The following PLCL2 variants were observed in gnomAD, a reference collection of about 807,000 sequenced individuals.
PLCL2 encodes phospholipase C like 2.
In PLCL2, 4 loss-of-function variants were observed where a neutral mutation model predicts 79.6. The ratio of observed to expected loss-of-function variants is 0.05; its 90% CI spans 0.02 to 0.11. The LOEUF (loss-of-function observed/expected upper bound fraction) is 0.11. PLCL2 is among the 10% of genes least tolerant of loss of function. The pLI, the probability that PLCL2 is intolerant of heterozygous loss-of-function variation, is 1.00. For synonymous variants in PLCL2, 484 were observed against 457.7 expected (o/e 1.06, Z -0.73); for missense variants, 895 against 1,291.0 (o/e 0.69, Z 4.70).
rs113567687 is a variant in PLCL2 at position 17,024,922 on chromosome 3, C to T, written c.3018+10011C>T. On this transcript the variant is annotated intron_variant, in intron 3 of 5. Transcript: ENST00000615277. ...GAAAAACAGATGTGTTCATCTTCAT[C>T]CATATGTTTATGGAGACTAGTGATA... Among the ~76,000 whole-genome samples, 3 of 152,270 alleles carry T rather than the reference C, an allele frequency of 2.0e-5. No individual in the cohort carries two copies. In the South Asian group the frequency reaches 6.2e-4, roughly 32 times the overall value.
chr3:16,980,994 A>G lies in PLCL2; in HGVS notation c.328-28680A>G, dbSNP rs369110325. ...ACCAAAAAAATACGAAAACCAGTCA[A>G]GCGTGGTGGCGCGCGCCTGCAATCG... On this transcript the variant is annotated intron_variant, in intron 1 of 5. Transcript: ENST00000615277. Among the ~76,000 whole-genome samples, 363 of 152,344 alleles carry G rather than the reference A, an allele frequency of 2.4e-3. 7 individuals carry two copies. In the East Asian group the frequency reaches 0.024, roughly 10 times the overall value.
intron 1 of PLCL2, among the ~76,000 whole-genome samples, chr3:16,953,721 G>T (rs141299915): frequency 1.3e-3 from 200 of 151,970 alleles, no homozygotes; most frequent in African/African-American, 4.5e-3. Flanking sequence ...AATTAGATGG[G>T]TTAAAATTAG....
chr3:16,957,914 G>A (rs185523953), intron 1 of PLCL2, among the ~76,000 whole-genome samples: 3,562 of 152,152 alleles, frequency 0.023, 73 homozygotes, highest in South Asian at 0.041. Flanking sequence ...TTTTGAGCCT[G>A]TGTGTGTCTC....
intron 1 of PLCL2, among the ~76,000 whole-genome samples, chr3:16,941,820 G>T (rs1256999333): frequency 6.6e-6 from 1 of 151,132 alleles, no homozygotes; most frequent in Non-Finnish European, 1.5e-5. Flanking sequence ...TTGTATGTTT[G>T]TCTGTACTTG....
chr3:17,032,352 CACTT>C (rs1402653122), intron 3 of PLCL2, among the ~76,000 whole-genome samples: 3 of 152,124 alleles, frequency 2.0e-5, no homozygotes, highest in Non-Finnish European at 2.9e-5. Flanking sequence ...ATGGCTCACT[CACTT>C]GTCTGCATAA....
intron 1 of PLCL2, among the ~76,000 whole-genome samples, chr3:16,912,517 G>A (rs1696905713): frequency 6.6e-6 from 1 of 152,144 alleles, no homozygotes; most frequent in Non-Finnish European, 1.5e-5. Flanking sequence ...ATTTGAGTTT[G>A]TTTCTGCCCT....
At chr3:17,037,081 A>G (rs1415852282) in intron 3 of PLCL2, among the ~76,000 whole-genome samples, 6 of 152,214 alleles carry the variant, frequency 3.9e-5, no homozygotes, top group Admixed American at 2.0e-4. Flanking sequence ...TTCTGACTAG[A>G]TGGGAAAAAA....
At chr3:16,975,660 G>A (rs1276737694) in intron 1 of PLCL2, among the ~76,000 whole-genome samples, 2 of 152,126 alleles carry the variant, frequency 1.3e-5, no homozygotes, top group Admixed American at 6.5e-5. Flanking sequence ...GTTGGGACGT[G>A]GGGCGGCAGG....
At chr3:17,085,745 G>T (rs565141616) in intron 5 of PLCL2, among the ~76,000 whole-genome samples, 26 of 149,694 alleles carry the variant, frequency 1.7e-4, no homozygotes, top group African/African-American at 5.6e-4. Context: ...CACCATGCCC[G>T]GCCCAATTTA....
chr3:16,972,799 A>C (rs1011408994), intron 1 of PLCL2, among the ~76,000 whole-genome samples: 2 of 152,152 alleles, frequency 1.3e-5, no homozygotes, highest in South Asian at 4.1e-4. Flanking sequence ...AAATTATAAT[A>C]GTAACTCCTG....
At position 17,009,328 on chromosome 3, in the gene PLCL2, C is replaced by T. The variant is rs1023073292; in HGVS notation, c.328-346C>T. On this transcript the variant is annotated intron_variant, in intron 1 of 5. Coordinates refer to ENST00000615277, the MANE Select transcript of PLCL2 (RefSeq NM_001144382.2). The surrounding 1 kb of genome is among the most constrained non-coding windows in gnomAD (Gnocchi z 4.0). ...GTAGAGATGGGATCTCACTGTATTACCCAGGTTGGTCTCAAACTCCTCACC... is the reference window on the plus strand; with the variant it reads ...GTAGAGATGGGATCTCACTGTATTATCCAGGTTGGTCTCAAACTCCTCACC... 6.6e-6 allele frequency among the ~76,000 whole-genome samples: 1 copy of T among 151,994 alleles called. No individual in the cohort carries two copies. Among genetic ancestry groups the T allele is most frequent in the African/African-American group, 2.4e-5 (1 of 41,364 alleles).
intron 5 of PLCL2, among the ~76,000 whole-genome samples, chr3:17,074,610 A>G (rs1242071383): frequency 6.6e-6 from 1 of 152,236 alleles, no homozygotes; most frequent in Non-Finnish European, 1.5e-5. Flanking sequence ...TTCTTTCAAT[A>G]GAAGGCTGTT....
intron 4 of PLCL2, among the ~76,000 whole-genome samples, chr3:17,063,723 C>T (rs1419799158): frequency 1.3e-5 from 2 of 152,178 alleles, no homozygotes; most frequent in Admixed American, 6.5e-5. Context: ...GTAACAGTCT[C>T]CACTTTTGCC....
chr3:16,896,517 G>C (rs1241062079), intron 1 of PLCL2, among the ~76,000 whole-genome samples: 1 of 152,194 alleles, frequency 6.6e-6, no homozygotes, highest in Admixed American at 6.5e-5. Flanking sequence ...AGGTGCACTC[G>C]AAAGTTTTAA....
At position 16,884,992 on chromosome 3, in the gene PLCL2, G is replaced by A; in HGVS notation, c.-48G>A. On this transcript the variant is annotated 5_prime_UTR_variant, in exon 1 of 6. Transcript: ENST00000615277. The surrounding 1 kb of genome is among the most constrained non-coding windows in gnomAD (Gnocchi z 9.3). The stretch of plus-strand genomic sequence containing the variant: ...GGCGGCCCGAGGCGGCGGCGGGGAC[G>A]CGGGGACGCGAGGACGCGGCTTTGT... 4.8e-6 allele frequency: 1 copy of A among 206,994 alleles called. No individual in the cohort carries two copies. The allele number at this position is 206,994 out of a possible 1,614,324, so 12.8% of individuals were successfully genotyped here.
intron 4 of PLCL2, among the ~76,000 whole-genome samples, chr3:17,053,687 C>T (rs542549174): frequency 9.2e-5 from 14 of 152,274 alleles, no homozygotes; most frequent in Middle Eastern, 3.4e-3. Context: ...TTCCAAGTTA[C>T]AATGGGGATA....
chr3:16,926,565 T>C (rs553418806), intron 1 of PLCL2, among the ~76,000 whole-genome samples: 33 of 152,186 alleles, frequency 2.2e-4, no homozygotes, highest in Non-Finnish European at 3.5e-4. Flanking sequence ...TGAAACTACT[T>C]AGAGACAAAG....
intron 1 of PLCL2, among the ~76,000 whole-genome samples, chr3:16,993,925 G>A (rs2064128161): frequency 6.6e-6 from 1 of 152,110 alleles, no homozygotes; most frequent in Admixed American, 6.5e-5. Flanking sequence ...TTTAAAACAT[G>A]AGCTAGGTTC....
chr3:16,994,654 A>G (rs1022825831), intron 1 of PLCL2, among the ~76,000 whole-genome samples: 1 of 152,234 alleles, frequency 6.6e-6, no homozygotes, highest in African/African-American at 2.4e-5. Context: ...TTTAAAATAT[A>G]TAGATTTCTA....
Sources: gnomAD v4.1 joint callset for allele counts (sites outside exome capture counted in the v4.1 genomes callset) on GRCh38, gnomAD v4.1.1 for gene constraint, Gnocchi (gnomAD v3.1) non-coding constraint, MANE v1.5 for transcripts, NCBI Gene and HGNC (gene_info 2026-07-23, HGNC 2026-07-21) for gene names.